The following FGD4 variants were observed in gnomAD, a reference collection of about 807,000 sequenced individuals.
FGD4 encodes the protein FYVE, RhoGEF and PH domain containing 4.
FGD4 carries 42 observed loss-of-function variants against 102.0 expected under a neutral mutation model. The observed-to-expected ratio is 0.41, with a 90% CI of 0.32 to 0.53. The LOEUF is 0.53. FGD4 is among the 20% of genes least tolerant of loss of function. FGD4 has a pLI of 0.21. For missense variants in FGD4, 902 were observed against 1,078.2 expected (o/e 0.84, Z 2.29); for synonymous variants, 380 against 375.7 (o/e 1.01, Z -0.13).
In FGD4 at chr12:32,399,764, A is replaced by G. The variant is rs747583058; in HGVS notation, c.-30A>G. Reference sequence around the variant, plus strand: ...CTCGCGGCTGGACGGGAGCGGGAGGAGTCGGGGAGCGGCGGTCGAGCCCGG... The same window carrying G: ...CTCGCGGCTGGACGGGAGCGGGAGGGGTCGGGGAGCGGCGGTCGAGCCCGG... On this transcript the variant is annotated 5_prime_UTR_variant, in exon 1 of 17. Coordinates refer to ENST00000534526, the MANE Select transcript of FGD4 (RefSeq NM_001370298.3). The G allele has an allele frequency of 5.2e-6, 8 of 1,526,468 alleles. No homozygotes were observed. The South Asian group carries it at 9.6e-5, about 18-fold the overall frequency. The allele number at this position is 1,526,468 out of a possible 1,614,324, so 94.6% of individuals were successfully genotyped here.
chr12:32,634,408 C>T (rs1397085755), intron 15 of FGD4, among the ~76,000 whole-genome samples: 1 of 152,028 alleles, frequency 6.6e-6, no homozygotes, highest in African/African-American at 2.4e-5. Flanking sequence ...ATTTAATTGC[C>T]AGTGATGGTA....
chr12:32,432,603 C>CA (rs10715388), intron 1 of FGD4, among the ~76,000 whole-genome samples: 84 of 137,376 alleles, frequency 6.1e-4, no homozygotes, highest in South Asian at 3.6e-3. Flanking sequence ...GACTCCATCT[C>CA]AAAAAAAAAA....
At chr12:32,460,501 T>TC (rs1034522125) in intron 1 of FGD4, among the ~76,000 whole-genome samples, 1 of 110,798 alleles carries the variant, frequency 9.0e-6, no homozygotes, top group African/African-American at 2.8e-5. Flanking sequence ...AGACCCGGTC[T>TC]CAAAAAAAAA....
At chr12:32,545,536 C>T (rs1262489220) in intron 1 of FGD4, among the ~76,000 whole-genome samples, 2 of 152,316 alleles carry the variant, frequency 1.3e-5, no homozygotes, top group Admixed American at 1.3e-4. Context: ...TAGTAAAAAG[C>T]ATCATACACA....
At chr12:32,541,185 T>C (rs1942796339) in intron 1 of FGD4, among the ~76,000 whole-genome samples, 2 of 152,150 alleles carry the variant, frequency 1.3e-5, no homozygotes, top group Admixed American at 6.5e-5. Context: ...AGTATTTGCT[T>C]TTTAAGTTTT....
At chr12:32,634,079 G>A (rs1950652524) in intron 15 of FGD4, among the ~76,000 whole-genome samples, 1 of 152,188 alleles carries the variant, frequency 6.6e-6, no homozygotes, top group African/African-American at 2.4e-5. Context: ...TTTGTATAAT[G>A]AGCAAGATTT....
At chr12:32,503,610 T>C (rs1938421665) in intron 1 of FGD4, among the ~76,000 whole-genome samples, 1 of 152,210 alleles carries the variant, frequency 6.6e-6, no homozygotes, top group African/African-American at 2.4e-5. Context: ...TATTATTACT[T>C]TTTAAAAGTT....
chr12:32,563,815 C>G (rs998408872), intron 1 of FGD4, among the ~76,000 whole-genome samples: 39 of 152,274 alleles, frequency 2.6e-4, no homozygotes, highest in African/African-American at 9.4e-4. Context: ...CCCAGCCAAC[C>G]CAGCGAAACC....
At chr12:32,563,585 T>C (rs1358040157) in intron 1 of FGD4, among the ~76,000 whole-genome samples, 4 of 149,038 alleles carry the variant, frequency 2.7e-5, no homozygotes, top group African/African-American at 4.9e-5. Flanking sequence ...CGCTCCTCAC[T>C]TCCCAGACGG....
intron 1 of FGD4, among the ~76,000 whole-genome samples, chr12:32,521,600 G>C (rs892532028): frequency 1.3e-5 from 2 of 152,044 alleles, no homozygotes; most frequent in Non-Finnish European, 2.9e-5. Context: ...TCCCATATGG[G>C]GCTCAGTAAT....
intron 1 of FGD4, among the ~76,000 whole-genome samples, chr12:32,463,621 T>C (rs1943170329): frequency 6.6e-6 from 1 of 152,248 alleles, no homozygotes; most frequent in Non-Finnish European, 1.5e-5. Context: ...TGTTTTATGA[T>C]GTGTCTTCAC....
intron 11 of FGD4, among the ~76,000 whole-genome samples, chr12:32,621,808 T>G (rs188874582): frequency 5.3e-5 from 8 of 152,276 alleles, no homozygotes; most frequent in Admixed American, 6.5e-5. Context: ...GCAGAATATA[T>G]GATGCTCTGC....
chr12:32,419,913 C>T (rs1248048233), intron 1 of FGD4, among the ~76,000 whole-genome samples: 1 of 152,218 alleles, frequency 6.6e-6, no homozygotes, highest in Non-Finnish European at 1.5e-5. Flanking sequence ...AGCACAAAAT[C>T]TGCACGTGTG....
At chr12:32,413,412 G>A (rs1015159980) in intron 1 of FGD4, among the ~76,000 whole-genome samples, 2 of 152,176 alleles carry the variant, frequency 1.3e-5, no homozygotes, top group Non-Finnish European at 2.9e-5. Flanking sequence ...TTAATGTGCT[G>A]TGTAAATTAT....
chr12:32,619,590 C>T, intron 10 of FGD4, 108 bp from the exon 11 acceptor site: 1 of 1,257,354 alleles, frequency 8.0e-7, no homozygotes, highest in Non-Finnish European at 1.1e-6. Context: ...CAAGGTCACA[C>T]TATTACACTC....
chr12:32,409,059 C>T (rs984105149), intron 1 of FGD4, among the ~76,000 whole-genome samples: 1 of 152,120 alleles, frequency 6.6e-6, no homozygotes, highest in African/African-American at 2.4e-5. Context: ...CATTGCAATC[C>T]AGCCCCTTCT....
Position 32,635,966 on chromosome 12 carries a change from C to T in FGD4, c.2313+2277C>T, listed in dbSNP as rs944771460. ...GATGGAGGTTGCAGTGAGCTGAGAT[C>T]GTGCCATTGTACTCCAGCCTGGGTG... is the stretch of plus-strand genomic sequence containing the variant. On this transcript the variant is annotated intron_variant, in intron 15 of 16. Transcript: ENST00000534526. Among the ~76,000 whole-genome samples, 10 of 151,128 alleles carry T rather than the reference C, an allele frequency of 6.6e-5. No individual in the cohort carries two copies. The East Asian group carries it at 1.2e-3, about 18-fold the overall frequency.
chr12:32,436,937 G>A lies in FGD4; in HGVS notation c.166+36978G>A, dbSNP rs143608445. 4.0e-3 allele frequency among the ~76,000 whole-genome samples: 602 copies of A among 151,994 alleles called. 8 individuals are homozygous for A. The highest frequency in any genetic ancestry group is 0.014 in the African/African-American group (566 of 41,466). On this transcript the variant is annotated intron_variant, in intron 1 of 16. Coordinates refer to ENST00000534526, the MANE Select transcript of FGD4 (RefSeq NM_001370298.3). ...GTTCGAGACCAGCCTGGCCAACATGGTGAAACCCTGTCTCTACTAAAATTA... is the reference window on the plus strand; with the variant it reads ...GTTCGAGACCAGCCTGGCCAACATGATGAAACCCTGTCTCTACTAAAATTA...
intron 1 of FGD4, among the ~76,000 whole-genome samples, chr12:32,421,205 CTCTT>C: frequency 6.6e-6 from 1 of 152,320 alleles, no homozygotes. Context: ...CCAGATGTAA[CTCTT>C]TCTGACCTGT....
Sources: allele counts gnomAD v4.1 joint callset (sites outside exome capture counted in the v4.1 genomes callset), GRCh38; gene constraint gnomAD v4.1.1; transcripts MANE v1.5; gene names NCBI Gene and HGNC (gene_info 2026-07-23, HGNC 2026-07-21).